The following TFAP2D variants were observed in gnomAD, a reference collection of about 807,000 sequenced individuals.
TFAP2D encodes transcription factor AP-2 delta, also known as transcription factor AP-2-delta.
A neutral mutation model predicts 43.6 loss-of-function variants in TFAP2D; 9 were observed. That is an observed-to-expected ratio of 0.21 (90% CI 0.12 to 0.36). The LOEUF is 0.36. Among genes scored for constraint, TFAP2D ranks in the 10% least tolerant of loss-of-function variants. The probability of loss-of-function intolerance (pLI) is 1.00; values close to 1 mark genes in which losing one functional copy is unlikely to be tolerated. For missense variants in TFAP2D, 513 were observed against 561.4 expected, an observed-to-expected ratio of 0.91 and a Z score of 0.87; for synonymous variants, 256 against 224.9, an observed-to-expected ratio of 1.14 and a Z score of -1.24.
At chr6:50,754,502 G>A (rs958659777) in intron 7 of TFAP2D, among the ~76,000 whole-genome samples, 2 of 151,834 alleles carry the variant, frequency 1.3e-5, no homozygotes, top group South Asian at 2.1e-4. Context: ...CCTGGTTTCA[G>A]TTCTTTTGGA....
At chr6:50,720,780 T>C (rs1768710187) in intron 3 of TFAP2D, among the ~76,000 whole-genome samples, 1 of 152,200 alleles carries the variant, frequency 6.6e-6, no homozygotes, top group South Asian at 2.1e-4. Flanking sequence ...CTCAGGGCGC[T>C]TAGAGACTTC....
At chr6:50,732,702 G>A (rs1038751348) in intron 5 of TFAP2D, among the ~76,000 whole-genome samples, 9 of 152,006 alleles carry the variant, frequency 5.9e-5, no homozygotes, top group African/African-American at 2.2e-4. Flanking sequence ...TGTAATCTTT[G>A]TGAAGAGCCA....
At chr6:50,763,397 G>A (rs1175062154) in intron 7 of TFAP2D, among the ~76,000 whole-genome samples, 1 of 152,076 alleles carries the variant, frequency 6.6e-6, no homozygotes, top group Non-Finnish European at 1.5e-5. Context: ...TTACTTTGCT[G>A]TTATCTAGCT....
rs967369197 is a variant in TFAP2D, at chr6:50,715,304, C to T, written c.228C>T (p.Tyr76=). Residue 76 remains tyrosine (Y), a synonymous_variant, in exon 2 of 8, where the codon TAC becomes TAT. Transcript: ENST00000008391. ...CGCTCCACCACCAGTCCTTCCATTA[C>T]GAGTTTCAGCACAGCCACCCGGCCG... ...YTPLHHQSFH[Y]EFQHSHPAVT... 2 of 1,613,972 alleles carry T rather than the reference C, an allele frequency of 1.2e-6. No individual in the cohort carries two copies. The highest frequency in any genetic ancestry group is 1.7e-6 in the Non-Finnish European group (2 of 1,180,006).
chr6:50,756,308 C>T (rs1413572777), intron 7 of TFAP2D, among the ~76,000 whole-genome samples: 2 of 152,052 alleles, frequency 1.3e-5, no homozygotes, highest in Non-Finnish European at 2.9e-5. Context: ...GATTTTCCAC[C>T]ATTTTTACTG....
At chr6:50,747,311 A>G (rs996161158) in intron 6 of TFAP2D, among the ~76,000 whole-genome samples, 2 of 152,186 alleles carry the variant, frequency 1.3e-5, no homozygotes, top group Non-Finnish European at 2.9e-5. Context: ...ACAGATCAAG[A>G]GAATTATACA....
chr6:50,755,110 T>C (rs962074204), intron 7 of TFAP2D, among the ~76,000 whole-genome samples: 5 of 152,014 alleles, frequency 3.3e-5, no homozygotes, highest in African/African-American at 1.2e-4. Context: ...TGGTCTTTGA[T>C]TCATTTTGAG....
intron 7 of TFAP2D, among the ~76,000 whole-genome samples, chr6:50,766,560 A>G (rs75107820): frequency 0.01 from 1,576 of 151,174 alleles, 20 homozygotes; most frequent in African/African-American, 0.036. Flanking sequence ...AATTGTTAGT[A>G]TACAGATCTT....
At chr6:50,729,736 A>G (rs1049560183) in intron 5 of TFAP2D, among the ~76,000 whole-genome samples, 3 of 152,156 alleles carry the variant, frequency 2.0e-5, no homozygotes, top group African/African-American at 7.2e-5. Context: ...TCTAGGCATG[A>G]TACTGAGCCT....
At chr6:50,714,143 CGGCGGCGGCGGTGGCGGCGGT>C (rs746894019) in intron 1 of TFAP2D, 49 bp downstream of exon 1, 65 of 1,511,578 alleles carry the variant, frequency 4.3e-5, no homozygotes, top group African/African-American at 7.7e-5. Flanking sequence ...GTGTGTGTGG[CGGCGGCGGCGGTGGCGGCGGT>C]GGCGGCGGCG....
chr6:50,730,735 C>G (rs77846779), intron 5 of TFAP2D, among the ~76,000 whole-genome samples: 507 of 152,176 alleles, frequency 3.3e-3, no homozygotes, highest in African/African-American at 0.012. Flanking sequence ...TACAAAGTGC[C>G]TAGGTCTCAT....
intron 5 of TFAP2D, among the ~76,000 whole-genome samples, chr6:50,744,390 TA>T (rs1278561130): frequency 1.3e-4 from 20 of 152,316 alleles, no homozygotes; most frequent in South Asian, 4.1e-4. Context: ...TCTGGCTGCA[TA>T]GTGTTCCATG....
chr6:50,719,647 G>C (rs1013321187), intron 3 of TFAP2D, among the ~76,000 whole-genome samples: 1 of 152,174 alleles, frequency 6.6e-6, no homozygotes, highest in Non-Finnish European at 1.5e-5. Context: ...TCTGTGAAAG[G>C]CTAGATCATT....
chr6:50,765,619 A>G (rs979080754), intron 7 of TFAP2D, among the ~76,000 whole-genome samples: 2 of 152,184 alleles, frequency 1.3e-5, no homozygotes, highest in Non-Finnish European at 2.9e-5. Context: ...AGTGATGTTT[A>G]GCATCTGTTC....
At chr6:50,726,133 G>A (rs1768804107) in intron 3 of TFAP2D, among the ~76,000 whole-genome samples, 1 of 152,164 alleles carries the variant, frequency 6.6e-6, no homozygotes, top group African/African-American at 2.4e-5. Context: ...CTGGGCCCAG[G>A]GAGTTAGCAC....
chr6:50,772,582 T>C, intron 7 of TFAP2D, 63 bp from the exon 8 acceptor site: 1 of 1,398,956 alleles, frequency 7.1e-7, no homozygotes, highest in South Asian at 1.2e-5. Context: ...ATGGAGAGAT[T>C]TGCTATTTCA....
intron 6 of TFAP2D, among the ~76,000 whole-genome samples, chr6:50,745,741 A>G (rs1182678446): frequency 6.6e-6 from 1 of 152,108 alleles, no homozygotes; most frequent in Non-Finnish European, 1.5e-5. Flanking sequence ...TCTCTTGTGT[A>G]TGAGTAAGTA....
chr6:50,772,262 G>A (rs917349528), intron 7 of TFAP2D, among the ~76,000 whole-genome samples: 44 of 151,860 alleles, frequency 2.9e-4, no homozygotes, highest in Non-Finnish European at 5.9e-4. Context: ...GAGGGGGGAG[G>A]GATAGCATTA....
intron 7 of TFAP2D, among the ~76,000 whole-genome samples, chr6:50,755,794 T>G (rs972380085): frequency 2.6e-5 from 4 of 152,086 alleles, no homozygotes; most frequent in Non-Finnish European, 5.9e-5. Flanking sequence ...CCAAAAGTTT[T>G]AAAATTAAAA....
Sources: allele counts gnomAD v4.1 joint callset (sites outside exome capture counted in the v4.1 genomes callset), GRCh38; gene constraint gnomAD v4.1.1; transcripts MANE v1.5; gene names NCBI Gene and HGNC (gene_info 2026-07-23, HGNC 2026-07-21).